The following GIPC2 variants were observed in gnomAD, a reference collection of about 807,000 sequenced individuals.
The protein encoded by GIPC2 is GIPC PDZ domain containing family member 2.
A neutral mutation model predicts 30.6 loss-of-function variants in GIPC2; 30 were observed. The ratio of observed to expected loss-of-function variants is 0.98; its 90% CI spans 0.73 to 1.33. The LOEUF is 1.33. Among genes scored for constraint, GIPC2 ranks in the 40% most tolerant of loss-of-function variants. GIPC2 has a pLI of 0.00. For synonymous variants in GIPC2, 167 were observed against 150.0 expected, an observed-to-expected ratio of 1.11 and a Z score of -0.83; for missense variants, 414 against 390.3, an observed-to-expected ratio of 1.06 and a Z score of -0.51.
intron 1 of GIPC2, among the ~76,000 whole-genome samples, chr1:78,063,899 C>CAAAA: frequency 1.6e-5 from 1 of 63,092 alleles, no homozygotes; most frequent in South Asian, 4.7e-4. Context: ...CTCAAAAAGA[C>CAAAA]AAAAAAAAAA....
intron 3 of GIPC2, among the ~76,000 whole-genome samples, chr1:78,104,000 T>G (rs1348002663): frequency 2.6e-5 from 4 of 152,010 alleles, no homozygotes; most frequent in Non-Finnish European, 4.4e-5. Flanking sequence ...TGGGTGTGGG[T>G]GTGGGGGTGG....
At chr1:78,128,516 G>A (rs574374931) in intron 5 of GIPC2, among the ~76,000 whole-genome samples, 70 of 152,266 alleles carry the variant, frequency 4.6e-4, no homozygotes, top group African/African-American at 1.5e-3. Context: ...AGGCATCAAC[G>A]TGTACATAAA....
At chr1:78,127,896 TG>T (rs970318147) in intron 5 of GIPC2, among the ~76,000 whole-genome samples, 1 of 152,152 alleles carries the variant, frequency 6.6e-6, no homozygotes, top group Admixed American at 6.5e-5. Flanking sequence ...TTGGTAGAGA[TG>T]GGGTCTTGCT....
intron 4 of GIPC2, among the ~76,000 whole-genome samples, chr1:78,121,734 C>A (rs1389804753): frequency 2.0e-5 from 3 of 152,186 alleles, no homozygotes; most frequent in Admixed American, 6.5e-5. Context: ...AGGGCAGTGA[C>A]TTCTGGGCAT....
chr1:78,114,693 A>G (rs1662536289), intron 3 of GIPC2, among the ~76,000 whole-genome samples: 1 of 152,212 alleles, frequency 6.6e-6, no homozygotes. Context: ...TAGGGCAGTA[A>G]CACCATTTTG....
rs1661916189 is a variant in GIPC2, at chr1:78,085,716, A to T, written c.426+4856A>T. ...CTAGTTAGTGTGCATAGAGGTGTTT[A>T]TAGTAGTTTCTGATGGTTATTTTTA... On this transcript the variant is annotated intron_variant, in intron 2 of 5. Coordinates refer to ENST00000370759, the MANE Select transcript of GIPC2 (RefSeq NM_017655.6). Among the ~76,000 whole-genome samples the T allele has an allele frequency of 3.3e-5, 5 of 152,106 alleles. 1 individual carries two copies. The Middle Eastern group carries it at 0.014, about 414-fold the overall frequency.
intron 2 of GIPC2, chr1:78,092,120 C>T: frequency 1.0e-6 from 1 of 982,460 alleles, no homozygotes. Flanking sequence ...GGAAAAGTAG[C>T]AGGGTGTTCA....
intron 2 of GIPC2, among the ~76,000 whole-genome samples, chr1:78,085,391 C>CT (rs1333540100): frequency 2.6e-5 from 4 of 152,018 alleles, no homozygotes; most frequent in African/African-American, 9.7e-5. Context: ...CTGAAGTTTT[C>CT]TTTTTTGGTT....
At chr1:78,076,579 C>T (rs1053487712) in intron 1 of GIPC2, among the ~76,000 whole-genome samples, 7 of 152,052 alleles carry the variant, frequency 4.6e-5, no homozygotes, top group South Asian at 2.1e-4. Flanking sequence ...AGTGTAATGC[C>T]GCTGCTGATC....
chr1:78,079,858 A>G (rs187577134), intron 1 of GIPC2, among the ~76,000 whole-genome samples: 38 of 152,232 alleles, frequency 2.5e-4, no homozygotes, highest in Admixed American at 2.2e-3. Context: ...AGGTCAAATA[A>G]AGACTTGGTA....
intron 1 of GIPC2, among the ~76,000 whole-genome samples, chr1:78,047,874 C>CA (rs970979163): frequency 7.6e-4 from 114 of 150,690 alleles, no homozygotes; most frequent in African/African-American, 1.3e-3. Flanking sequence ...ACATACCTAG[C>CA]AAAAAAAAAC....
chr1:78,133,531 C>T (rs1662939975), intron 5 of GIPC2, among the ~76,000 whole-genome samples: 1 of 151,996 alleles, frequency 6.6e-6, no homozygotes, highest in East Asian at 1.9e-4. Flanking sequence ...AGGAGAGAGC[C>T]TTGAAGGAGA....
rs762485885 is a variant in GIPC2 at position 78,125,948 on chromosome 1, G to A, written c.782G>A (p.Arg261Gln). 2 of 1,523,736 alleles carry A rather than the reference G, an allele frequency of 1.3e-6. No individual in the cohort carries two copies. Among genetic ancestry groups the A allele is most frequent in the Non-Finnish European group, 1.8e-6 (2 of 1,098,116 alleles). 94.4% of individuals were successfully genotyped at this position (1,523,736 alleles called of 1,614,324 possible). A position where few individuals can be genotyped will look rare whatever the true frequency, so the allele number is the denominator to read the frequency against. ...GTTCTTGAGTTGTACATGGGAATTC[G>A]AGATATTGATTTAGGTAAGATTATA... ...DDVLELYMGI[R>Q]DIDLATTMFE... The change falls in exon 5 of 6, where the codon CGA (arginine) becomes CAA (glutamine). Residue 261 changes from arginine to glutamine, a missense_variant. Arg to Gln is a conservative substitution (Grantham distance 43). Coordinates refer to ENST00000370759, the MANE Select transcript of GIPC2 (RefSeq NM_017655.6).
chr1:78,125,922 T>G lies in GIPC2; in HGVS notation c.756T>G (p.Asp252Glu). 1 of 1,590,282 alleles carries G rather than the reference T, an allele frequency of 6.3e-7. No individual in the cohort carries two copies. The highest frequency in any genetic ancestry group is 1.1e-5 in the South Asian group (1 of 90,618). The change falls in exon 5 of 6, where the codon GAT becomes GAG. Residue 252 changes from aspartate to glutamate, a missense_variant. Physicochemically the swap from Asp to Glu is conservative, Grantham distance 45 (BLOSUM62 2). Transcript: ENST00000370759. Reference protein sequence around the residue: ...TKAKAIEKIDDVLELYMGIRD... With the variant: ...TKAKAIEKIDEVLELYMGIRD... ...CAAAGGCAATTGAAAAGATTGATGA[T>G]GTTCTTGAGTTGTACATGGGAATTC...
intron 1 of GIPC2, among the ~76,000 whole-genome samples, chr1:78,078,032 CA>C: frequency 6.6e-6 from 1 of 150,886 alleles, no homozygotes; most frequent in East Asian, 2.0e-4. Context: ...ACTAAAAATA[CA>C]AAAAATTAGC....
intron 4 of GIPC2, among the ~76,000 whole-genome samples, chr1:78,124,518 A>G (rs1286492515): frequency 1.3e-5 from 2 of 152,192 alleles, no homozygotes; most frequent in African/African-American, 4.8e-5. Context: ...CCTGGCCTGC[A>G]CCATAAAGAC....
chr1:78,045,798 C>G, upstream of GIPC2: 1 of 1,167,666 alleles, frequency 8.6e-7, no homozygotes, highest in East Asian at 4.5e-5. Flanking sequence ...CATCCTCAGG[C>G]GTTCACGTAA....
intron 2 of GIPC2, chr1:78,092,910 TG>T (rs1662067867): frequency 6.6e-6 from 1 of 152,248 alleles, no homozygotes; most frequent in East Asian, 1.9e-4. Flanking sequence ...ATTACTGAAG[TG>T]ACTCATGGGC....
chr1:78,083,813 A>G (rs1661876179), intron 2 of GIPC2, among the ~76,000 whole-genome samples: 1 of 152,178 alleles, frequency 6.6e-6, no homozygotes, highest in Non-Finnish European at 1.5e-5. Flanking sequence ...GTGGGCCCCC[A>G]TGTCCTTTTG....
Sources: allele counts gnomAD v4.1 joint callset (sites outside exome capture counted in the v4.1 genomes callset), GRCh38; gene constraint gnomAD v4.1.1; transcripts MANE v1.5; gene names NCBI Gene and HGNC (gene_info 2026-07-23, HGNC 2026-07-21).